WWOX: variants seen among roughly 807,000 people sequenced by gnomAD.
WWOX encodes the protein WW domain-containing oxidoreductase.
WWOX carries 69 observed loss-of-function variants against 46.2 expected under a neutral mutation model. The observed-to-expected ratio is 1.49, with a 90% CI of 1.23 to 1.82. WWOX has a LOEUF of 1.82. Among genes scored for constraint, WWOX ranks in the 40% most tolerant of loss-of-function variants. The probability of loss-of-function intolerance (pLI) is 0.00; values close to 1 mark genes in which losing one functional copy is unlikely to be tolerated. For synonymous variants in WWOX, 359 were observed against 202.6 expected, an observed-to-expected ratio of 1.77 and a Z score of -6.56; for missense variants, 919 against 542.6, an observed-to-expected ratio of 1.69 and a Z score of -6.89.
At chr16:78,293,030 T>G (rs549575018) in intron 5 of WWOX, among the ~76,000 whole-genome samples, 9 of 152,358 alleles carry the variant, frequency 5.9e-5, no homozygotes, top group African/African-American at 2.2e-4. Context: ...TGGAGCATTC[T>G]TGGCCTGACC....
chr16:78,628,859 A>G (rs1176731530), intron 8 of WWOX, among the ~76,000 whole-genome samples: 1 of 152,166 alleles, frequency 6.6e-6, no homozygotes, highest in Non-Finnish European at 1.5e-5. Context: ...TTAAGAGGCC[A>G]CTGTTGTGAA....
chr16:78,826,262 C>T (rs1027714539), intron 8 of WWOX, among the ~76,000 whole-genome samples: 1 of 152,192 alleles, frequency 6.6e-6, no homozygotes. Context: ...AGGAGAATCG[C>T]TTGAACCCGG....
At chr16:78,670,428 C>T (rs1426882668) in intron 8 of WWOX, among the ~76,000 whole-genome samples, 2 of 152,180 alleles carry the variant, frequency 1.3e-5, no homozygotes, top group South Asian at 2.1e-4. Context: ...TGGTGTGTTA[C>T]GTTATGAGAA....
At chr16:79,005,421 A>C (rs887685916) in intron 8 of WWOX, among the ~76,000 whole-genome samples, 1 of 152,164 alleles carries the variant, frequency 6.6e-6, no homozygotes, top group African/African-American at 2.4e-5. Flanking sequence ...GCCACGTACT[A>C]GGTGGCTTCA....
chr16:79,180,450 C>G (rs1028291436), intron 8 of WWOX, among the ~76,000 whole-genome samples: 1 of 152,062 alleles, frequency 6.6e-6, no homozygotes, highest in Non-Finnish European at 1.5e-5. Context: ...GACATAAAGC[C>G]TGGGGTGGTG....
intron 1 of WWOX, among the ~76,000 whole-genome samples, chr16:78,106,955 C>A (rs2032186967): frequency 6.6e-6 from 1 of 152,180 alleles, no homozygotes; most frequent in African/African-American, 2.4e-5. Flanking sequence ...TGAGGCATTC[C>A]TGCACTATGA....
chr16:78,662,026 A>G (rs2047225436), intron 8 of WWOX, among the ~76,000 whole-genome samples: 1 of 152,230 alleles, frequency 6.6e-6, no homozygotes, highest in Admixed American at 6.5e-5. Flanking sequence ...CCTGGATGAT[A>G]GAGCGAGACC....
intron 5 of WWOX, among the ~76,000 whole-genome samples, chr16:78,359,368 C>T (rs1208709961): frequency 6.6e-6 from 1 of 152,098 alleles, no homozygotes; most frequent in Non-Finnish European, 1.5e-5. Context: ...GTAGCATATA[C>T]AAATTAAGTT....
In WWOX at chr16:78,158,216, A is replaced by G. The variant is rs369522346; in HGVS notation, c.410-5967A>G. On this transcript the variant is annotated intron_variant, in intron 4 of 8. Coordinates refer to ENST00000566780, the MANE Select transcript of WWOX (RefSeq NM_016373.4). ...CTTTACTAGGCTCTTTCACATGGTG[A>G]TGTCAGGAAGATAACGGTATGCTGA... 1.3e-4 allele frequency among the ~76,000 whole-genome samples: 20 copies of G among 152,360 alleles called. No individual in the cohort carries two copies. The East Asian group carries it at 2.1e-3, about 16-fold the overall frequency.
intron 8 of WWOX, among the ~76,000 whole-genome samples, chr16:78,802,288 G>A (rs113848548): frequency 0.017 from 2,462 of 149,084 alleles, 83 homozygotes; most frequent in African/African-American, 0.058. Flanking sequence ...GATATTTAAC[G>A]GGTGTTTCAT....
At chr16:78,867,625 C>A (rs755912467) in intron 8 of WWOX, among the ~76,000 whole-genome samples, 1 of 151,908 alleles carries the variant, frequency 6.6e-6, no homozygotes, top group Non-Finnish European at 1.5e-5. Flanking sequence ...ACTGCAACTA[C>A]AACATCCCAG....
At chr16:78,640,294 A>C (rs150077849) in intron 8 of WWOX, among the ~76,000 whole-genome samples, 1 of 122,094 alleles carries the variant, frequency 8.2e-6, no homozygotes, top group African/African-American at 3.1e-5. Flanking sequence ...AATGGATACT[A>C]TTGAAGGAAT....
intron 8 of WWOX, among the ~76,000 whole-genome samples, chr16:78,766,375 G>C (rs575304888): frequency 4.5e-4 from 68 of 152,192 alleles, no homozygotes; most frequent in Non-Finnish European, 7.8e-4. Flanking sequence ...TGGGAGAATT[G>C]CTTGAGGCTA....
chr16:78,855,984 T>A (rs1309325960), intron 8 of WWOX, among the ~76,000 whole-genome samples: 3 of 152,164 alleles, frequency 2.0e-5, no homozygotes, highest in Admixed American at 6.5e-5. Flanking sequence ...ACGCACAAGG[T>A]ACCCAAGAAG....
intron 8 of WWOX, among the ~76,000 whole-genome samples, chr16:79,118,022 T>G (rs2049552338): frequency 6.6e-6 from 1 of 152,260 alleles, no homozygotes; most frequent in Non-Finnish European, 1.5e-5. Context: ...CTTCAAGAAC[T>G]TTTTCTTTGC....
At chr16:78,103,698 G>C (rs1167078031) in intron 1 of WWOX, among the ~76,000 whole-genome samples, 1 of 152,082 alleles carries the variant, frequency 6.6e-6, no homozygotes, top group Non-Finnish European at 1.5e-5. Flanking sequence ...TTCTCTTGGG[G>C]TTTGGGAAAC....
At chr16:78,727,664 C>A (rs4299170) in intron 8 of WWOX, among the ~76,000 whole-genome samples, 11 of 151,960 alleles carry the variant, frequency 7.2e-5, no homozygotes, top group East Asian at 3.9e-4. Context: ...CTTCTTTTTC[C>A]CTTATGTCAA....
chr16:78,944,205 T>TAATC lies in WWOX; in HGVS notation c.1057-267402_1057-267399dup, dbSNP rs574831004. Among the ~76,000 whole-genome samples the TAATC allele has an allele frequency of 3.5e-3, 535 of 152,280 alleles. 1 individual carries two copies. The highest frequency in any genetic ancestry group is 0.012 in the African/African-American group (517 of 41,560). On this transcript the variant is annotated intron_variant, in intron 8 of 8. Transcript: ENST00000566780. The stretch of plus-strand genomic sequence containing the variant: ...GCACAACACATCCCATCCTTCTGGA[T>TAATC]AATCTCTTCTACCCTCCCTTTCCAG...
chr16:78,663,845 C>A (rs2047270477), intron 8 of WWOX, among the ~76,000 whole-genome samples: 3 of 152,112 alleles, frequency 2.0e-5, no homozygotes, highest in South Asian at 2.1e-4. Flanking sequence ...AGTGCAAAGG[C>A]CCTGGGGTGG....
Sources: allele counts gnomAD v4.1 joint callset (sites outside exome capture counted in the v4.1 genomes callset), GRCh38; gene constraint gnomAD v4.1.1; transcripts MANE v1.5; gene names NCBI Gene and HGNC (gene_info 2026-07-23, HGNC 2026-07-21).